IGFL2: variants seen among roughly 807,000 people sequenced by gnomAD.
The protein encoded by IGFL2 is insulin growth factor-like family member 2.
In IGFL2, 7 loss-of-function variants were observed where a neutral mutation model predicts 13.9. That is an observed-to-expected ratio of 0.51 (90% CI 0.29 to 0.95). The LOEUF is 0.95. IGFL2 is among the 40% of genes least tolerant of loss of function. The pLI is 0.08. For missense variants in IGFL2, 138 were observed against 147.8 expected (o/e 0.93, Z 0.34); for synonymous variants, 55 against 55.8 (o/e 0.99, Z 0.07).
chr19:46,214,972 C>T, the IGFL2 span: 3 of 151,884 alleles, frequency 2.0e-5, no homozygotes, highest in African/African-American at 7.3e-5. Context: ...TTGCTGGCCC[C>T]ACACTTATCC....
chr19:46,116,305 C>T, the IGFL2 span, among the ~76,000 whole-genome samples: 4 of 152,134 alleles, frequency 2.6e-5, no homozygotes, highest in Admixed American at 6.5e-5. Flanking sequence ...GCAGCAACAC[C>T]GTTGATAATG....
chr19:46,211,011 T>G, the IGFL2 span, among the ~76,000 whole-genome samples: 3 of 152,204 alleles, frequency 2.0e-5, no homozygotes, highest in Non-Finnish European at 4.4e-5. Flanking sequence ...AGCACAGTCA[T>G]TGTGTCTCTG....
At chr19:46,176,783 T>C in the IGFL2 span, among the ~76,000 whole-genome samples, 1 of 151,896 alleles carries the variant, frequency 6.6e-6, no homozygotes, top group Non-Finnish European at 1.5e-5. Context: ...CGGACCACAC[T>C]CCCCCCAGCC....
At chr19:46,186,184 G>A in the IGFL2 span, among the ~76,000 whole-genome samples, 2 of 152,124 alleles carry the variant, frequency 1.3e-5, no homozygotes, top group East Asian at 1.9e-4. Context: ...ATTGCGTGCC[G>A]GCAGCCCTGG....
chr19:46,162,523 C>T (rs984389394), downstream of IGFL2, among the ~76,000 whole-genome samples: 17 of 152,056 alleles, frequency 1.1e-4, no homozygotes, highest in Non-Finnish European at 5.9e-5. Flanking sequence ...TTTTGTCTGA[C>T]TCTCTTATTT....
At chr19:46,118,451 AAG>A in the IGFL2 span, among the ~76,000 whole-genome samples, 1 of 152,170 alleles carries the variant, frequency 6.6e-6, no homozygotes, top group African/African-American at 2.4e-5. Context: ...GGGAAGCAGT[AAG>A]AGAGAAAGCC....
chr19:46,109,401 A>G, the IGFL2 span, among the ~76,000 whole-genome samples: 1 of 150,128 alleles, frequency 6.7e-6, no homozygotes. Flanking sequence ...TGCAAGCTCC[A>G]CCTCCCAGGT....
the IGFL2 span, among the ~76,000 whole-genome samples, chr19:46,182,986 G>A: frequency 6.6e-6 from 1 of 151,988 alleles, no homozygotes; most frequent in African/African-American, 2.4e-5. Flanking sequence ...CTCCCAGACT[G>A]TATTACTCCA....
At chr19:46,213,314 T>C in the IGFL2 span, 1 of 152,332 alleles carries the variant, frequency 6.6e-6, no homozygotes, top group Admixed American at 6.5e-5. Flanking sequence ...CCTGCCTGGC[T>C]CCTTTACTGC....
chr19:46,183,899 C>G, the IGFL2 span, among the ~76,000 whole-genome samples: 2 of 152,100 alleles, frequency 1.3e-5, no homozygotes, highest in African/African-American at 4.8e-5. Flanking sequence ...TCAGTCCCAT[C>G]ACTCCCATGC....
At chr19:46,117,712 C>T in the IGFL2 span, among the ~76,000 whole-genome samples, 2,041 of 152,270 alleles carry the variant, frequency 0.013, 52 homozygotes, top group African/African-American at 0.046. Flanking sequence ...ATCTCTTGAC[C>T]TCGTGATCCA....
chr19:46,106,294 C>T, the IGFL2 span, among the ~76,000 whole-genome samples: 15 of 151,934 alleles, frequency 9.9e-5, no homozygotes, highest in Non-Finnish European at 1.6e-4. Flanking sequence ...GTTGGGAAGA[C>T]TTGTAGGGTG....
At chr19:46,105,574 G>A in the IGFL2 span, among the ~76,000 whole-genome samples, 1 of 152,192 alleles carries the variant, frequency 6.6e-6, no homozygotes, top group Non-Finnish European at 1.5e-5. Context: ...CTGGATTGAA[G>A]TCCGGGCCAG....
the IGFL2 span, among the ~76,000 whole-genome samples, chr19:46,125,337 C>T: frequency 2.2e-4 from 33 of 152,134 alleles, no homozygotes; most frequent in Non-Finnish European, 1.2e-4. Flanking sequence ...GTACTAAACA[C>T]CTGCTTTTCA....
At chr19:46,165,852 A>G (rs1466853018), downstream of IGFL2, among the ~76,000 whole-genome samples, 1 of 152,236 alleles carries the variant, frequency 6.6e-6, no homozygotes, top group African/African-American at 2.4e-5. Context: ...CTGTGCATCA[A>G]TAGCTGGTCC....
the IGFL2 span, among the ~76,000 whole-genome samples, chr19:46,088,589 A>C: frequency 1.3e-5 from 2 of 152,258 alleles, no homozygotes; most frequent in African/African-American, 4.8e-5. Context: ...ATTGATTTAC[A>C]AAGATTTATT....
At chr19:46,160,569 G>A (rs759149246) in intron 2 of IGFL2, 45 bp from the exon 3 acceptor site, 9 of 1,613,486 alleles carry the variant, frequency 5.6e-6, no homozygotes, top group Non-Finnish European at 7.6e-6. Context: ...TGTAGTGCCT[G>A]GTTATCCTTG....
rs999918439 is a variant in IGFL2 at position 46,154,583 on chromosome 19, A to G, written c.20-5832A>G. Among the ~76,000 whole-genome samples, 14 of 151,724 alleles carry G rather than the reference A, an allele frequency of 9.2e-5. No homozygotes were observed. The Middle Eastern group carries it at 0.01, about 112-fold the overall frequency. ...CTCAGCCTCCCAAGTAGCTGGAACT[A>G]CAGGCACCCACCACCACGCCTGGCT... is the stretch of plus-strand genomic sequence containing the variant. On this transcript the variant is annotated intron_variant, in intron 1 of 3. Coordinates refer to ENST00000377693, the MANE Select transcript of IGFL2 (RefSeq NM_001135113.2).
chr19:46,170,385 A>G, the IGFL2 span, among the ~76,000 whole-genome samples: 2 of 152,218 alleles, frequency 1.3e-5, no homozygotes, highest in African/African-American at 2.4e-5. Context: ...TCTTAATCCC[A>G]TCATCTTCAT....
Sources: gnomAD v4.1 joint callset for allele counts (sites outside exome capture counted in the v4.1 genomes callset) on GRCh38, gnomAD v4.1.1 for gene constraint, MANE v1.5 for transcripts, NCBI Gene and HGNC (gene_info 2026-07-23, HGNC 2026-07-21) for gene names.